The following CNTNAP2 variants were observed in gnomAD, a reference collection of about 807,000 sequenced individuals.
CNTNAP2 encodes the protein contactin-associated protein-like 2.
CNTNAP2 carries 98 observed loss-of-function variants against 155.2 expected under a neutral mutation model. The ratio of observed to expected loss-of-function variants is 0.63; its 90% CI spans 0.54 to 0.75. The LOEUF is 0.75. CNTNAP2 is among the 30% of genes least tolerant of loss of function. CNTNAP2 has a pLI of 0.00. For synonymous variants in CNTNAP2, 651 were observed against 631.2 expected (o/e 1.03, Z -0.47); for missense variants, 1,727 against 1,688.1 (o/e 1.02, Z -0.40).
At chr7:146,171,273 A>G (rs1326998552) in intron 1 of CNTNAP2, among the ~76,000 whole-genome samples, 2 of 152,130 alleles carry the variant, frequency 1.3e-5, no homozygotes, top group African/African-American at 2.4e-5. Context: ...AGACAAAACA[A>G]TATTTTATAG....
At chr7:148,262,177 C>A (rs1037628102) in intron 20 of CNTNAP2, among the ~76,000 whole-genome samples, 1 of 152,096 alleles carries the variant, frequency 6.6e-6, no homozygotes, top group Non-Finnish European at 1.5e-5. Context: ...CTCTAATCAA[C>A]TGGGTGCTCT....
intron 21 of CNTNAP2, among the ~76,000 whole-genome samples, chr7:148,285,629 C>T (rs546547571): frequency 6.6e-6 from 1 of 152,354 alleles, no homozygotes; most frequent in South Asian, 2.1e-4. Flanking sequence ...CTTAAATCTG[C>T]ACTTGACATG....
intron 15 of CNTNAP2, among the ~76,000 whole-genome samples, chr7:147,979,162 G>A (rs1280444278): frequency 1.3e-5 from 2 of 152,166 alleles, no homozygotes; most frequent in African/African-American, 4.8e-5. Flanking sequence ...ATACAAAAGG[G>A]AGATGGACTT....
At chr7:147,503,261 C>T (rs1444779625) in intron 11 of CNTNAP2, among the ~76,000 whole-genome samples, 2 of 152,144 alleles carry the variant, frequency 1.3e-5, no homozygotes, top group Non-Finnish European at 2.9e-5. Flanking sequence ...CTTCACACAG[C>T]CACGTTCCCT....
At chr7:147,607,448 AAT>A (rs1455411615) in intron 12 of CNTNAP2, among the ~76,000 whole-genome samples, 1 of 151,810 alleles carries the variant, frequency 6.6e-6, no homozygotes, top group Non-Finnish European at 1.5e-5. Context: ...TAATGTAAAT[AAT>A]ATCTTTTGTC....
chr7:147,624,785 A>G (rs545581707), intron 12 of CNTNAP2, among the ~76,000 whole-genome samples: 17 of 152,324 alleles, frequency 1.1e-4, no homozygotes, highest in Middle Eastern at 3.4e-3. Flanking sequence ...AAATCAGTAT[A>G]CGGAAGAAAT....
At chr7:146,788,949 A>G (rs1802626010) in intron 2 of CNTNAP2, among the ~76,000 whole-genome samples, 1 of 152,166 alleles carries the variant, frequency 6.6e-6, no homozygotes, top group Non-Finnish European at 1.5e-5. Flanking sequence ...ACCTGAAGAC[A>G]TGTCCTGTGT....
At chr7:146,920,617 G>A (rs1216143007) in intron 3 of CNTNAP2, among the ~76,000 whole-genome samples, 1 of 152,098 alleles carries the variant, frequency 6.6e-6, no homozygotes, top group Admixed American at 6.6e-5. Flanking sequence ...TATTTACTAT[G>A]TCTTTAATAA....
intron 1 of CNTNAP2, among the ~76,000 whole-genome samples, chr7:146,525,891 A>G (rs1412004868): frequency 1.3e-5 from 2 of 152,148 alleles, no homozygotes; most frequent in Non-Finnish European, 2.9e-5. Flanking sequence ...AATGTGACAC[A>G]AATCCAGTCC....
At chr7:147,933,081 G>A (rs1284618071) in intron 14 of CNTNAP2, among the ~76,000 whole-genome samples, 1 of 147,542 alleles carries the variant, frequency 6.8e-6, no homozygotes, top group Non-Finnish European at 1.5e-5. Flanking sequence ...TTGTTTGTTT[G>A]TTTGTTTGTT....
At chr7:147,795,400 A>C (rs1584958854) in intron 13 of CNTNAP2, among the ~76,000 whole-genome samples, 1 of 151,736 alleles carries the variant, frequency 6.6e-6, no homozygotes, top group Non-Finnish European at 1.5e-5. Context: ...CCTATGTCTC[A>C]TGTCTTTTGT....
At chr7:147,916,512 G>A (rs1053786144) in intron 14 of CNTNAP2, among the ~76,000 whole-genome samples, 9 of 150,860 alleles carry the variant, frequency 6.0e-5, no homozygotes, top group African/African-American at 1.5e-4. Context: ...CCAACAAAAT[G>A]TTAAATGGAC....
intron 12 of CNTNAP2, among the ~76,000 whole-genome samples, chr7:147,617,311 G>A (rs77070313): frequency 0.012 from 1,781 of 152,176 alleles, 46 homozygotes; most frequent in African/African-American, 0.04. Context: ...TAAGCTTAAT[G>A]TCCTCTAACT....
At chr7:147,058,946 G>C (rs1263866632) in intron 4 of CNTNAP2, among the ~76,000 whole-genome samples, 2 of 152,144 alleles carry the variant, frequency 1.3e-5, no homozygotes, top group Non-Finnish European at 2.9e-5. Flanking sequence ...AACGATGCAG[G>C]CCTGATTGTG....
chr7:146,883,088 C>T lies in CNTNAP2; in HGVS notation c.402+43184C>T, dbSNP rs180770194. On this transcript the variant is annotated intron_variant, in intron 3 of 23. Transcript: ENST00000361727. ...TACTTTTTAACTATTTGGTGTGTTA[C>T]ATAGGTACCGTAACTGTAAATTTGT... Among the ~76,000 whole-genome samples, 4 of 152,224 alleles carry T rather than the reference C, an allele frequency of 2.6e-5. No homozygotes were observed. In the East Asian group the frequency reaches 7.7e-4, roughly 29 times the overall value.
At chr7:146,569,169 A>G (rs1441177093) in intron 1 of CNTNAP2, among the ~76,000 whole-genome samples, 4 of 151,888 alleles carry the variant, frequency 2.6e-5, no homozygotes, top group Non-Finnish European at 5.9e-5. Context: ...GGCGCCCACC[A>G]CCACGCCCGG....
chr7:148,299,919 G>A (rs944915172), intron 21 of CNTNAP2, among the ~76,000 whole-genome samples: 1 of 152,172 alleles, frequency 6.6e-6, no homozygotes, highest in Non-Finnish European at 1.5e-5. Flanking sequence ...AATAATAACT[G>A]CCAAAGGAAT....
At chr7:148,062,008 T>TGAGAGAGAGA (rs1803162720) in intron 15 of CNTNAP2, among the ~76,000 whole-genome samples, 1 of 78,594 alleles carries the variant, frequency 1.3e-5, no homozygotes, top group African/African-American at 6.6e-5. Flanking sequence ...GATAGATAGA[T>TGAGAGAGAGA]GATAGAGAGA....
intron 2 of CNTNAP2, among the ~76,000 whole-genome samples, chr7:146,820,959 CTG>C (rs943708900): frequency 5.9e-5 from 9 of 152,072 alleles, no homozygotes; most frequent in Admixed American, 1.3e-4. Flanking sequence ...GGTTTAAAGT[CTG>C]TTTTATCAGA....
Sources: allele counts gnomAD v4.1 joint callset (sites outside exome capture counted in the v4.1 genomes callset), GRCh38; gene constraint gnomAD v4.1.1; transcripts MANE v1.5; gene names NCBI Gene and HGNC (gene_info 2026-07-23, HGNC 2026-07-21).